Variants in MAGI2 observed in about 807,000 individuals in gnomAD.
MAGI2 encodes membrane associated guanylate kinase, WW and PDZ domain containing 2.
A neutral mutation model predicts 133.3 loss-of-function variants in MAGI2; 35 were observed. The observed-to-expected ratio is 0.26, with a 90% CI of 0.20 to 0.35. The LOEUF (loss-of-function observed/expected upper bound fraction) is 0.35. Ranked by LOEUF, MAGI2 falls within the 10% of genes least tolerant of loss-of-function variation. MAGI2 has a pLI of 1.00. For missense variants in MAGI2, 1,636 were observed against 1,863.4 expected (o/e 0.88, Z 2.25); for synonymous variants, 729 against 710.6 (o/e 1.03, Z -0.41).
chr7:78,078,804 GTGTGTGTGTA>G (rs1199034523), intron 21 of MAGI2, 133 bp downstream of exon 21: 1 of 774,092 alleles, frequency 1.3e-6, no homozygotes, highest in African/African-American at 1.7e-5. Context: ...GTGTGTGTGT[GTGTGTGTGTA>G]TATATATACC....
chr7:78,721,329 T>C (rs1233378990), intron 2 of MAGI2, among the ~76,000 whole-genome samples: 1 of 152,016 alleles, frequency 6.6e-6, no homozygotes, highest in Non-Finnish European at 1.5e-5. Context: ...TCTCTCAGCA[T>C]ATAGTTAGCT....
chr7:78,078,748 C>T, intron 21 of MAGI2, 199 bp downstream of exon 21: 1 of 628,378 alleles, frequency 1.6e-6, no homozygotes, highest in African/African-American at 1.9e-5. Flanking sequence ...AGAGTTCACA[C>T]ACATTTATTT....
At chr7:78,557,095 A>AAAAAAG in intron 3 of MAGI2, among the ~76,000 whole-genome samples, 1 of 147,936 alleles carries the variant, frequency 6.8e-6, no homozygotes, top group South Asian at 2.1e-4. Flanking sequence ...AAAAAAAAAA[A>AAAAAAG]AAAAAGAAAA....
At chr7:78,557,097 A>AAAAAAAAAAAAAAAAAAAAAAAGAAAG (rs1554473311) in intron 3 of MAGI2, among the ~76,000 whole-genome samples, 13 of 138,990 alleles carry the variant, frequency 9.4e-5, no homozygotes, top group African/African-American at 3.6e-4. Flanking sequence ...AAAAAAAAAA[A>AAAAAAAAAAAAAAAAAAAAAAAGAAAG]AAAGAAAAAG....
chr7:78,741,716 A>G (rs1822453297), intron 2 of MAGI2, among the ~76,000 whole-genome samples: 1 of 152,104 alleles, frequency 6.6e-6, no homozygotes, highest in Admixed American at 6.6e-5. Flanking sequence ...CCTTATTTAT[A>G]TCAACTGTGA....
intron 3 of MAGI2, among the ~76,000 whole-genome samples, chr7:78,566,983 C>T (rs13228442): frequency 6.6e-6 from 1 of 152,062 alleles, no homozygotes. Context: ...CTCCTTTTTA[C>T]AATATGAGGT....
chr7:78,115,668 C>G (rs1819796963), intron 20 of MAGI2, among the ~76,000 whole-genome samples: 1 of 152,092 alleles, frequency 6.6e-6, no homozygotes, highest in Non-Finnish European at 1.5e-5. Flanking sequence ...AAAACATGTC[C>G]TCAAAGCATA....
chr7:78,978,279 A>C (rs932613336), intron 2 of MAGI2, among the ~76,000 whole-genome samples: 1 of 151,888 alleles, frequency 6.6e-6, no homozygotes, highest in African/African-American at 2.4e-5. Context: ...ATGCCCTTCC[A>C]TAGCTGAATA....
chr7:78,156,879 A>T (rs1311167166), intron 16 of MAGI2, among the ~76,000 whole-genome samples: 1 of 152,160 alleles, frequency 6.6e-6, no homozygotes. Flanking sequence ...AACAGTGAAT[A>T]TGTTAATGAT....
At chr7:78,612,672 T>C (rs1563242607) in intron 3 of MAGI2, among the ~76,000 whole-genome samples, 3 of 151,960 alleles carry the variant, frequency 2.0e-5, no homozygotes, top group African/African-American at 7.3e-5. Context: ...ATTTTATTTT[T>C]TTTAATTTTT....
chr7:78,479,001 A>T (rs1191030563), intron 6 of MAGI2, among the ~76,000 whole-genome samples: 4 of 151,940 alleles, frequency 2.6e-5, no homozygotes, highest in Non-Finnish European at 5.9e-5. Context: ...TGGTGGCATC[A>T]GTAGATCCCA....
At chr7:78,094,101 C>G (rs550363184) in intron 20 of MAGI2, among the ~76,000 whole-genome samples, 5 of 152,244 alleles carry the variant, frequency 3.3e-5, no homozygotes, top group African/African-American at 1.2e-4. Context: ...ACCAAGATAT[C>G]AAGTTAATCT....
chr7:78,364,072 T>C (rs1793127223), intron 7 of MAGI2, among the ~76,000 whole-genome samples: 1 of 151,994 alleles, frequency 6.6e-6, no homozygotes, highest in Admixed American at 6.6e-5. Context: ...CTACTCAAGA[T>C]CTCACAGCTG....
chr7:78,815,087 A>G (rs1323752261), intron 2 of MAGI2, among the ~76,000 whole-genome samples: 1 of 152,178 alleles, frequency 6.6e-6, no homozygotes, highest in Admixed American at 6.5e-5. Flanking sequence ...ATATGTCCCA[A>G]TGATCAGATA....
At chr7:78,294,360 G>A (rs1797020132) in intron 9 of MAGI2, among the ~76,000 whole-genome samples, 1 of 152,012 alleles carries the variant, frequency 6.6e-6, no homozygotes, top group Non-Finnish European at 1.5e-5. Flanking sequence ...GAACTTTATT[G>A]GGTGTTCTCA....
At chr7:79,246,157 G>A (rs1450541577) in intron 1 of MAGI2, among the ~76,000 whole-genome samples, 1 of 152,120 alleles carries the variant, frequency 6.6e-6, no homozygotes, top group African/African-American at 2.4e-5. Context: ...TCAAATACAT[G>A]GAAAATCCTC....
chr7:78,051,843 C>T (rs1035857038), intron 21 of MAGI2, among the ~76,000 whole-genome samples: 4 of 151,242 alleles, frequency 2.6e-5, no homozygotes, highest in Admixed American at 2.6e-4. Context: ...CCTTGACCTC[C>T]CATTGTGCTG....
intron 21 of MAGI2, among the ~76,000 whole-genome samples, chr7:78,027,020 G>A (rs957124852): frequency 6.6e-6 from 1 of 152,200 alleles, no homozygotes; most frequent in African/African-American, 2.4e-5. Flanking sequence ...AGGAAACAGA[G>A]ACACAGAGGT....
At position 78,018,964 on chromosome 7, in the gene MAGI2, A is replaced by T; in HGVS notation, c.*351T>A. ...AACTTTGTCCTGTTTCTTGATATAA[A>T]GTTTGGATGACATCCAAGTCCTTCA... On this transcript the variant is annotated 3_prime_UTR_variant, in exon 22 of 22. Coordinates refer to ENST00000354212, the MANE Select transcript of MAGI2 (RefSeq NM_012301.4). 2.5e-6 allele frequency: 1 copy of T among 396,520 alleles called. No individual in the cohort carries two copies. Among genetic ancestry groups the T allele is most frequent in the Non-Finnish European group, 4.4e-6 (1 of 224,886 alleles). The allele number at this position is 396,520 out of a possible 1,614,324, so 24.6% of individuals were successfully genotyped here.
Sources: gnomAD v4.1 joint callset for allele counts (sites outside exome capture counted in the v4.1 genomes callset) on GRCh38, gnomAD v4.1.1 for gene constraint, MANE v1.5 for transcripts, NCBI Gene and HGNC (gene_info 2026-07-23, HGNC 2026-07-21) for gene names.